Variants in ERC2 observed in about 807,000 individuals in gnomAD.
The protein encoded by ERC2 is ERC protein 2.
ERC2 carries 42 observed loss-of-function variants against 114.8 expected under a neutral mutation model. The ratio of observed to expected loss-of-function variants is 0.37; its 90% CI spans 0.29 to 0.47. The LOEUF (loss-of-function observed/expected upper bound fraction) is 0.47, where lower values mean the gene tolerates loss of function less well. ERC2 is among the 20% of genes least tolerant of loss of function. The pLI is 0.99. For missense variants in ERC2, 939 were observed against 1,150.7 expected (o/e 0.82, Z 2.66); for synonymous variants, 454 against 425.5 (o/e 1.07, Z -0.82).
chr3:56,221,395 A>AC (rs1491179000), intron 3 of ERC2, among the ~76,000 whole-genome samples: 1 of 47,978 alleles, frequency 2.1e-5, no homozygotes. Flanking sequence ...TCATCTCACC[A>AC]AAAAAAAAAA....
intron 2 of ERC2, among the ~76,000 whole-genome samples, chr3:56,361,704 A>T (rs1280504337): frequency 6.6e-6 from 1 of 152,232 alleles, no homozygotes; most frequent in Non-Finnish European, 1.5e-5. Flanking sequence ...ACCATCAGTA[A>T]GAGCAGATGA....
At position 55,741,476 on chromosome 3, in the gene ERC2, T is replaced by C. The variant is rs750467008; in HGVS notation, c.2565-6558A>G. 3.0e-4 allele frequency among the ~76,000 whole-genome samples: 46 copies of C among 152,142 alleles called. 1 individual carries two copies. The highest frequency in any genetic ancestry group is 1.6e-4 in the Non-Finnish European group (11 of 68,006). On this transcript the variant is annotated intron_variant, in intron 14 of 17. Transcript: ENST00000288221. ...ATCATTATTTTCCCCAATGAAAGCATTACCTTCTAGAATCAAGACCAGATT... is the reference window on the plus strand; with the variant it reads ...ATCATTATTTTCCCCAATGAAAGCACTACCTTCTAGAATCAAGACCAGATT...
intron 3 of ERC2, among the ~76,000 whole-genome samples, chr3:56,281,967 A>G (rs1243387691): frequency 3.9e-5 from 6 of 152,198 alleles, no homozygotes; most frequent in African/African-American, 1.4e-4. Flanking sequence ...TTACAAGGAG[A>G]CCAACTGATC....
chr3:55,521,105 C>G (rs984243892), intron 17 of ERC2, among the ~76,000 whole-genome samples: 3 of 152,216 alleles, frequency 2.0e-5, no homozygotes, highest in African/African-American at 4.8e-5. Context: ...GCGCCCTTCC[C>G]GCCTCACTGA....
intron 13 of ERC2, among the ~76,000 whole-genome samples, chr3:55,924,692 G>T (rs1388975010): frequency 6.6e-6 from 1 of 152,078 alleles, no homozygotes; most frequent in African/African-American, 2.4e-5. Context: ...GAGGGAGCAG[G>T]GGGTGGAATG....
At chr3:56,061,859 T>C (rs936395008) in intron 7 of ERC2, among the ~76,000 whole-genome samples, 3 of 152,342 alleles carry the variant, frequency 2.0e-5, no homozygotes, top group South Asian at 2.1e-4. Flanking sequence ...TAAACTGCTA[T>C]AAAAAGTATT....
At chr3:56,011,303 G>A (rs2072914594) in intron 8 of ERC2, among the ~76,000 whole-genome samples, 1 of 152,176 alleles carries the variant, frequency 6.6e-6, no homozygotes, top group African/African-American at 2.4e-5. Flanking sequence ...GCACTGTGAT[G>A]TGCTCTCCTC....
chr3:55,737,049 G>C (rs1340589708), intron 14 of ERC2, among the ~76,000 whole-genome samples: 1 of 152,110 alleles, frequency 6.6e-6, no homozygotes, highest in African/African-American at 2.4e-5. Context: ...TCGCACACAA[G>C]GCCCAGGACT....
intron 14 of ERC2, among the ~76,000 whole-genome samples, chr3:55,810,701 C>G (rs1044454350): frequency 6.6e-6 from 1 of 152,176 alleles, no homozygotes; most frequent in Non-Finnish European, 1.5e-5. Context: ...CTTAGGTGAT[C>G]CACCTGCCTT....
At chr3:55,811,525 A>T (rs912356795) in intron 14 of ERC2, among the ~76,000 whole-genome samples, 3 of 152,206 alleles carry the variant, frequency 2.0e-5, no homozygotes, top group African/African-American at 7.2e-5. Context: ...CTTTGCTTAT[A>T]AAATTAGTCT....
intron 13 of ERC2, among the ~76,000 whole-genome samples, chr3:55,903,372 CAAAT>C (rs1252753764): frequency 6.6e-6 from 1 of 152,142 alleles, no homozygotes; most frequent in Non-Finnish European, 1.5e-5. Flanking sequence ...AGTCTCAAGA[CAAAT>C]AAAAGTGAAA....
intron 17 of ERC2, among the ~76,000 whole-genome samples, chr3:55,549,203 A>C (rs1219018023): frequency 6.6e-6 from 1 of 152,144 alleles, no homozygotes; most frequent in Non-Finnish European, 1.5e-5. Context: ...CGAGCATCTG[A>C]TCTTTCTATG....
chr3:55,940,209 C>T (rs1390596843), intron 13 of ERC2, among the ~76,000 whole-genome samples: 2 of 152,058 alleles, frequency 1.3e-5, no homozygotes, highest in African/African-American at 4.8e-5. Context: ...CACATATGTG[C>T]ACCCTTCAAT....
intron 14 of ERC2, among the ~76,000 whole-genome samples, chr3:55,821,187 G>A (rs1243362813): frequency 3.3e-5 from 5 of 152,218 alleles, no homozygotes; most frequent in African/African-American, 1.2e-4. Flanking sequence ...ATGTGGAGGA[G>A]AAACCCTACT....
At chr3:56,314,208 A>G (rs2056758382) in intron 2 of ERC2, among the ~76,000 whole-genome samples, 1 of 152,188 alleles carries the variant, frequency 6.6e-6, no homozygotes, top group Non-Finnish European at 1.5e-5. Context: ...GTGGTCATAC[A>G]CTAGCTTTAA....
intron 14 of ERC2, among the ~76,000 whole-genome samples, chr3:55,835,393 G>C (rs893392119): frequency 7.2e-5 from 11 of 152,126 alleles, no homozygotes; most frequent in African/African-American, 2.7e-4. Flanking sequence ...ACATCAAAAA[G>C]CTTATCCACC....
chr3:56,195,922 T>C (rs2048073561), intron 3 of ERC2, among the ~76,000 whole-genome samples: 1 of 152,136 alleles, frequency 6.6e-6, no homozygotes. Context: ...TGATCCTTTG[T>C]GTAAACCTGA....
intron 15 of ERC2, among the ~76,000 whole-genome samples, chr3:55,713,800 A>G (rs1445078854): frequency 6.6e-6 from 1 of 152,198 alleles, no homozygotes; most frequent in Non-Finnish European, 1.5e-5. Flanking sequence ...AATCAACTAT[A>G]AATCCATCCA....
chr3:56,078,911 A>G (rs1290877697), intron 7 of ERC2, among the ~76,000 whole-genome samples: 2 of 150,828 alleles, frequency 1.3e-5, no homozygotes, highest in Non-Finnish European at 3.0e-5. Flanking sequence ...CATTTGTCAA[A>G]TGGTTAAAAG....
Sources: allele counts gnomAD v4.1 joint callset (sites outside exome capture counted in the v4.1 genomes callset), GRCh38; gene constraint gnomAD v4.1.1; transcripts MANE v1.5; gene names NCBI Gene and HGNC (gene_info 2026-07-23, HGNC 2026-07-21).